The following RNF128 variants were observed in gnomAD, a reference collection of about 807,000 sequenced individuals.
RNF128 encodes the protein ring finger protein 128, also known as E3 ubiquitin-protein ligase RNF128.
Under a neutral mutation model 26.2 loss-of-function variants are expected in RNF128, and 13 were observed. The ratio of observed to expected loss-of-function variants is 0.50; its 90% CI spans 0.32 to 0.79. RNF128 has a LOEUF of 0.79. Ranked by LOEUF, RNF128 falls within the 30% of genes least tolerant of loss-of-function variation. The probability of loss-of-function intolerance (pLI) is 0.03; values close to 1 mark genes in which losing one functional copy is unlikely to be tolerated. For missense variants in RNF128, 315 were observed against 349.7 expected, an observed-to-expected ratio of 0.90 and a Z score of 0.79; for synonymous variants, 149 against 142.5, an observed-to-expected ratio of 1.05 and a Z score of -0.32.
chrX:106,765,934 G>A (rs1930224117), intron 1 of RNF128, among the ~76,000 whole-genome samples: 1 of 90,118 alleles, frequency 1.1e-5, no homozygotes, highest in Non-Finnish European at 2.1e-5. Context: ...TGTTCTCATT[G>A]TTCAATTCCC....
chrX:106,788,404 A>T (rs1415528469), intron 4 of RNF128, among the ~76,000 whole-genome samples: 19 of 42,185 alleles, frequency 4.5e-4, no homozygotes, highest in African/African-American at 1.0e-3. Context: ...TATTATATAT[A>T]ATATATAATA....
intron 1 of RNF128, among the ~76,000 whole-genome samples, chrX:106,704,234 A>G (rs1236994322): frequency 7.1e-4 from 78 of 109,602 alleles, no homozygotes; most frequent in African/African-American, 2.3e-3. Context: ...AGGAGATCAA[A>G]ACCATCCTAG....
chrX:106,746,579 C>T (rs890012944), intron 1 of RNF128, among the ~76,000 whole-genome samples: 6 of 111,137 alleles, frequency 5.4e-5, no homozygotes, highest in Non-Finnish European at 1.1e-4. Flanking sequence ...GATTTCTATA[C>T]GTTGTGAATA....
chrX:106,713,827 T>A (rs1172678899), intron 1 of RNF128, among the ~76,000 whole-genome samples: 3 of 111,490 alleles, frequency 2.7e-5, no homozygotes, highest in African/African-American at 9.8e-5. Flanking sequence ...ATTTATTTTG[T>A]ACCTAGGTTT....
chrX:106,749,973 T>C (rs979463994), intron 1 of RNF128, among the ~76,000 whole-genome samples: 36 of 112,283 alleles, frequency 3.2e-4, no homozygotes, highest in African/African-American at 1.2e-3. Context: ...GTTACAGATT[T>C]TGAATTGTAT....
intron 1 of RNF128, among the ~76,000 whole-genome samples, chrX:106,705,114 G>A (rs745477696): frequency 2.7e-5 from 3 of 111,497 alleles, no homozygotes; most frequent in African/African-American, 9.8e-5. Context: ...GTACGGTGGA[G>A]GGTAACAAGT....
At chrX:106,790,356 A>C (rs1393480195) in intron 5 of RNF128, 74 bp downstream of exon 5, 2 of 706,289 alleles carry the variant, frequency 2.8e-6, no homozygotes, top group Non-Finnish European at 4.4e-6. Context: ...TAACATCCTT[A>C]TTTTTTCGCT....
upstream of RNF128, among the ~76,000 whole-genome samples, chrX:106,726,296 C>T (rs977953672): frequency 4.5e-5 from 5 of 110,898 alleles, no homozygotes; most frequent in Admixed American, 1.9e-4. Context: ...TAGCCTGATT[C>T]TACTCAAATT....
upstream of RNF128, among the ~76,000 whole-genome samples, chrX:106,724,462 A>G (rs1042016260): frequency 9.9e-5 from 11 of 111,315 alleles, no homozygotes; most frequent in African/African-American, 2.0e-4. Flanking sequence ...TTTTGGATAA[A>G]GTCTAAACTC....
chrX:106,774,112 C>T (rs745413317), intron 2 of RNF128, among the ~76,000 whole-genome samples: 19 of 111,463 alleles, frequency 1.7e-4, no homozygotes, highest in Non-Finnish European at 3.0e-4. Context: ...CTTAATGCTA[C>T]CCAGGAATCA....
chrX:106,773,590 T>C (rs1338126227), intron 2 of RNF128, among the ~76,000 whole-genome samples: 1 of 111,423 alleles, frequency 9.0e-6, no homozygotes, highest in Non-Finnish European at 1.9e-5. Context: ...TTATTTTATA[T>C]GTACGTCTGT....
At chrX:106,738,182 G>C (rs1488774802) in intron 1 of RNF128, among the ~76,000 whole-genome samples, 1 of 111,448 alleles carries the variant, frequency 9.0e-6, no homozygotes, top group Non-Finnish European at 1.9e-5. Context: ...TTGAATTCCA[G>C]CTCTACCAAT....
intron 1 of RNF128, among the ~76,000 whole-genome samples, chrX:106,706,405 A>C (rs997274783): frequency 8.9e-6 from 1 of 111,955 alleles, no homozygotes; most frequent in Non-Finnish European, 1.9e-5. Context: ...ACAAAAAAAA[A>C]CAAGGGTTTA....
intron 1 of RNF128, among the ~76,000 whole-genome samples, chrX:106,736,906 A>G (rs1393123995): frequency 8.9e-6 from 1 of 111,785 alleles, no homozygotes; most frequent in Non-Finnish European, 1.9e-5. Flanking sequence ...CTGGTTTACA[A>G]ATGAACTTTT....
intron 1 of RNF128, among the ~76,000 whole-genome samples, chrX:106,755,727 TA>T (rs777728010): frequency 4.5e-5 from 5 of 111,290 alleles, no homozygotes; most frequent in African/African-American, 1.3e-4. Context: ...TTAAAAACCC[TA>T]AAAAAGGGCA....
At position 106,727,164 on chromosome X, in the gene RNF128, T is replaced by C. The variant is rs1282219177; in HGVS notation, c.251T>C (p.Leu84Pro). The C allele has an allele frequency of 8.3e-7, 1 of 1,210,222 alleles. No homozygotes were observed. The highest frequency in any genetic ancestry group is 2.2e-5 in the Admixed American group (1 of 45,987). Residue 84 changes from leucine to proline, a missense_variant, in exon 1 of 7, where the codon CTG becomes CCG. Leu to Pro is a moderately conservative substitution (Grantham distance 98). Coordinates refer to ENST00000255499, the MANE Select transcript of RNF128 (RefSeq NM_194463.2). ...DSPLEPVAGVLVPPDGPGALN... is the reference protein window; with the variant it reads ...DSPLEPVAGVPVPPDGPGALN... ...CCGCTGGAGCCTGTGGCTGGGGTCC[T>C]GGTACCGCCCGACGGGCCCGGGGCG...
At chrX:106,716,684 T>C (rs746511881) in intron 1 of RNF128, among the ~76,000 whole-genome samples, 12 of 111,105 alleles carry the variant, frequency 1.1e-4, no homozygotes, top group Non-Finnish European at 2.1e-4. Flanking sequence ...ATCATTTACT[T>C]GCACTTCAAG....
chrX:106,761,652 T>C (rs765579205), intron 1 of RNF128, among the ~76,000 whole-genome samples: 2 of 111,172 alleles, frequency 1.8e-5, no homozygotes, highest in East Asian at 5.7e-4. Flanking sequence ...TACAGCCACA[T>C]AGGACTATTG....
At chrX:106,769,669 T>A (rs1930334477) in intron 1 of RNF128, among the ~76,000 whole-genome samples, 2 of 109,190 alleles carry the variant, frequency 1.8e-5, no homozygotes, top group South Asian at 8.2e-4. Context: ...TGATGGGTCT[T>A]GATTCTTTAT....
Sources: gnomAD v4.1 joint callset for allele counts (sites outside exome capture counted in the v4.1 genomes callset) on GRCh38, gnomAD v4.1.1 for gene constraint, MANE v1.5 for transcripts, NCBI Gene and HGNC (gene_info 2026-07-23, HGNC 2026-07-21) for gene names.